ADAMTS3: variants seen among roughly 807,000 people sequenced by gnomAD.
ADAMTS3 encodes the protein A disintegrin and metalloproteinase with thrombospondin motifs 3.
In ADAMTS3, 73 loss-of-function variants were observed where a neutral mutation model predicts 129.0. That is an observed-to-expected ratio of 0.57 (90% CI 0.47 to 0.69). The LOEUF (loss-of-function observed/expected upper bound fraction) is 0.69, where lower values mean the gene tolerates loss of function less well. Among genes scored for constraint, ADAMTS3 ranks in the 30% least tolerant of loss-of-function variants. The pLI is 0.00. For synonymous variants in ADAMTS3, 477 were observed against 510.8 expected (o/e 0.93, Z 0.89); for missense variants, 1,457 against 1,514.5 (o/e 0.96, Z 0.63).
chr4:72,550,080 A>C (rs1037940626), intron 2 of ADAMTS3, among the ~76,000 whole-genome samples: 1 of 34,398 alleles, frequency 2.9e-5, no homozygotes. Flanking sequence ...GAAGAGGAAG[A>C]GGAAGAAGAA....
chr4:72,550,759 A>C (rs1374194793), intron 2 of ADAMTS3, among the ~76,000 whole-genome samples: 1 of 152,092 alleles, frequency 6.6e-6, no homozygotes, highest in African/African-American at 2.4e-5. Flanking sequence ...CTCAAAATAT[A>C]AGAGAATGAG....
intron 5 of ADAMTS3, 122 bp downstream of exon 5, chr4:72,339,372 T>A (rs1720072186): frequency 1.2e-6 from 1 of 804,410 alleles, no homozygotes; most frequent in Non-Finnish European, 2.0e-6. Context: ...TTAAATTTAA[T>A]GCCATCATGC....
chr4:72,402,468 ATT>A (rs1212652187), intron 4 of ADAMTS3, among the ~76,000 whole-genome samples: 1 of 152,194 alleles, frequency 6.6e-6, no homozygotes, highest in East Asian at 1.9e-4. Flanking sequence ...GTAATTTAAT[ATT>A]GTCTTCACAG....
intron 3 of ADAMTS3, among the ~76,000 whole-genome samples, chr4:72,538,757 C>G (rs911436876): frequency 6.6e-6 from 1 of 152,012 alleles, no homozygotes; most frequent in African/African-American, 2.4e-5. Context: ...TTCCTGATAA[C>G]AAAACTTACT....
chr4:72,444,848 T>C (rs931669419), intron 3 of ADAMTS3, among the ~76,000 whole-genome samples: 3 of 151,734 alleles, frequency 2.0e-5, no homozygotes, highest in African/African-American at 4.8e-5. Context: ...AGCCATACAA[T>C]GGCACACAAT....
At chr4:72,359,151 C>T (rs185542519) in intron 4 of ADAMTS3, among the ~76,000 whole-genome samples, 4 of 151,924 alleles carry the variant, frequency 2.6e-5, no homozygotes, top group East Asian at 3.9e-4. Flanking sequence ...TCTAAGAATC[C>T]GTGGCATAAA....
chr4:72,353,253 T>C (rs1440914695), intron 4 of ADAMTS3, among the ~76,000 whole-genome samples: 1 of 151,996 alleles, frequency 6.6e-6, no homozygotes, highest in African/African-American at 2.4e-5. Context: ...CATCATTCGT[T>C]CTAACCTCCT....
intron 3 of ADAMTS3, among the ~76,000 whole-genome samples, chr4:72,509,084 T>C (rs913337497): frequency 1.3e-5 from 2 of 151,760 alleles, no homozygotes; most frequent in Admixed American, 6.6e-5. Flanking sequence ...CAAATGATAA[T>C]GGAAACATGA....
At chr4:72,296,190 A>G (rs976129936) in intron 18 of ADAMTS3, among the ~76,000 whole-genome samples, 3 of 152,058 alleles carry the variant, frequency 2.0e-5, no homozygotes, top group East Asian at 1.9e-4. Flanking sequence ...GGGAAAGCTT[A>G]GAGGATCAGT....
chr4:72,542,170 TTTTC>T (rs1721348543), intron 3 of ADAMTS3, among the ~76,000 whole-genome samples: 2 of 82,736 alleles, frequency 2.4e-5, no homozygotes, highest in African/African-American at 1.4e-4. Context: ...ATTTGTTTTG[TTTTC>T]TTTGTTTTGA....
intron 2 of ADAMTS3, among the ~76,000 whole-genome samples, chr4:72,554,643 A>AT (rs1335350252): frequency 3.3e-5 from 5 of 151,772 alleles, no homozygotes; most frequent in African/African-American, 9.7e-5. Context: ...TTCAAGTCCT[A>AT]CTGCTGTTTC....
intron 5 of ADAMTS3, among the ~76,000 whole-genome samples, chr4:72,327,067 G>A (rs1469764440): frequency 6.6e-6 from 1 of 151,822 alleles, no homozygotes; most frequent in Admixed American, 6.6e-5. Context: ...AAAATGCTAC[G>A]TTTTAAATGC....
chr4:72,291,519 C>A (rs535251057), intron 19 of ADAMTS3, among the ~76,000 whole-genome samples: 10 of 150,550 alleles, frequency 6.6e-5, no homozygotes, highest in Admixed American at 6.0e-4. Flanking sequence ...TTTGTCCTTG[C>A]GATAGTTTAC....
At chr4:72,472,691 A>T (rs1397768281) in intron 3 of ADAMTS3, among the ~76,000 whole-genome samples, 1 of 152,158 alleles carries the variant, frequency 6.6e-6, no homozygotes, top group Non-Finnish European at 1.5e-5. Context: ...TAACAGAAAA[A>T]TCAGAGTTGT....
rs759533575 is a variant in ADAMTS3, at chr4:72,319,436, A to G, written c.1248T>C (p.Gly416=). 2 of 1,613,930 alleles carry G rather than the reference A, an allele frequency of 1.2e-6. No homozygotes were observed. Among genetic ancestry groups the G allele is most frequent in the Admixed American group, 1.7e-5 (1 of 59,996 alleles). The stretch of plus-strand genomic sequence containing the variant: ...TGACACTTCCCATAGCAGTCTCATC[A>G]CCACACCTGTTGCCTTGTCCATCAT... ...MEHDGQGNRC[G]DETAMGSVMA... Residue 416 remains glycine, a synonymous_variant, in exon 9 of 22, where the codon GGT becomes GGC. Transcript: ENST00000286657.
chr4:72,418,039 G>A (rs779853836), intron 3 of ADAMTS3, among the ~76,000 whole-genome samples: 1 of 151,678 alleles, frequency 6.6e-6, no homozygotes, highest in Non-Finnish European at 1.5e-5. Flanking sequence ...AAATCCAGTT[G>A]AATAAATAAA....
chr4:72,552,302 T>C (rs1015617576), intron 2 of ADAMTS3, among the ~76,000 whole-genome samples: 2 of 152,178 alleles, frequency 1.3e-5, no homozygotes, highest in African/African-American at 4.8e-5. Context: ...TACAACTTCA[T>C]AGGTTTGGTG....
At chr4:72,530,777 T>TAC (rs1721015645) in intron 3 of ADAMTS3, among the ~76,000 whole-genome samples, 1 of 75,572 alleles carries the variant, frequency 1.3e-5, no homozygotes, top group African/African-American at 5.2e-5. Context: ...ATTATATATA[T>TAC]TATATTATAC....
At chr4:72,550,749 C>T (rs1295182555) in intron 2 of ADAMTS3, among the ~76,000 whole-genome samples, 1 of 151,902 alleles carries the variant, frequency 6.6e-6, no homozygotes, top group Non-Finnish European at 1.5e-5. Context: ...GAAAAACAAA[C>T]TCAAAATATA....
Sources: gnomAD v4.1 joint callset for allele counts (sites outside exome capture counted in the v4.1 genomes callset) on GRCh38, gnomAD v4.1.1 for gene constraint, MANE v1.5 for transcripts, NCBI Gene and HGNC (gene_info 2026-07-23, HGNC 2026-07-21) for gene names.